WDR70: variants seen among roughly 807,000 people sequenced by gnomAD.
WDR70 encodes WD repeat-containing protein 70.
A neutral mutation model predicts 88.6 loss-of-function variants in WDR70; 53 were observed. The ratio of observed to expected loss-of-function variants is 0.60; its 90% CI spans 0.48 to 0.75. WDR70 has a LOEUF of 0.75. Ranked by LOEUF, WDR70 falls within the 30% of genes least tolerant of loss-of-function variation. The probability of loss-of-function intolerance (pLI) is 0.00; values close to 1 mark genes in which losing one functional copy is unlikely to be tolerated. For missense variants in WDR70, 610 were observed against 823.2 expected (o/e 0.74, Z 3.17); for synonymous variants, 280 against 270.0 (o/e 1.04, Z -0.36).
chr5:37,690,368 G>T (rs1243901552), intron 10 of WDR70, among the ~76,000 whole-genome samples: 1 of 152,122 alleles, frequency 6.6e-6, no homozygotes, highest in Non-Finnish European at 1.5e-5. Context: ...ACATCACAAA[G>T]ATACTCCTCG....
chr5:37,502,777 G>A (rs1252237369), intron 8 of WDR70, among the ~76,000 whole-genome samples: 1 of 152,210 alleles, frequency 6.6e-6, no homozygotes, highest in African/African-American at 2.4e-5. Flanking sequence ...TGAAGCAGGA[G>A]CAGATACTTC....
At chr5:37,451,142 C>T (rs1429305061) in intron 7 of WDR70, among the ~76,000 whole-genome samples, 2 of 152,154 alleles carry the variant, frequency 1.3e-5, no homozygotes. Context: ...AGGTGATCTG[C>T]CCGTCTTGGT....
chr5:37,630,388 C>T (rs1031582196), intron 10 of WDR70, among the ~76,000 whole-genome samples: 1 of 152,116 alleles, frequency 6.6e-6, no homozygotes, highest in Non-Finnish European at 1.5e-5. Flanking sequence ...TTCTCAGACC[C>T]TTGTTGAGGA....
At chr5:37,669,646 G>A (rs554977999) in intron 10 of WDR70, among the ~76,000 whole-genome samples, 12 of 152,264 alleles carry the variant, frequency 7.9e-5, no homozygotes, top group Middle Eastern at 3.4e-3. Flanking sequence ...GATTAAATGT[G>A]TAAGAGATTT....
intron 9 of WDR70, among the ~76,000 whole-genome samples, chr5:37,558,726 T>A (rs1383318603): frequency 1.3e-5 from 2 of 152,182 alleles, no homozygotes; most frequent in Non-Finnish European, 2.9e-5. Context: ...CAGCCATCTG[T>A]ATTATTTATA....
intron 7 of WDR70, among the ~76,000 whole-genome samples, chr5:37,467,915 C>T (rs569705360): frequency 3.3e-5 from 5 of 152,126 alleles, no homozygotes; most frequent in African/African-American, 9.6e-5. Context: ...GGGGTTTCAC[C>T]GTGTTAGCCA....
chr5:37,563,237 C>T (rs1363746220), intron 9 of WDR70, among the ~76,000 whole-genome samples: 4 of 68,930 alleles, frequency 5.8e-5, no homozygotes, highest in East Asian at 3.8e-4. Context: ...TCCTCACTTC[C>T]CAGTAGGGGC....
At chr5:37,382,613 T>C (rs1748465194) in intron 3 of WDR70, among the ~76,000 whole-genome samples, 1 of 151,852 alleles carries the variant, frequency 6.6e-6, no homozygotes, top group Non-Finnish European at 1.5e-5. Flanking sequence ...GGTTTCACCA[T>C]GTTAGCCAGG....
chr5:37,557,940 A>AAACTCTTCAAAAGAG (rs1341249679), intron 9 of WDR70, among the ~76,000 whole-genome samples: 7 of 151,528 alleles, frequency 4.6e-5, no homozygotes, highest in South Asian at 2.1e-4. Context: ...ACTCTTTTGA[A>AAACTCTTCAAAAGAG]TACTCTTCAA....
intron 11 of WDR70, among the ~76,000 whole-genome samples, chr5:37,698,662 T>C (rs1391527731): frequency 6.6e-6 from 1 of 152,178 alleles, no homozygotes; most frequent in East Asian, 1.9e-4. Context: ...TTAAACATCA[T>C]AGACAGAATC....
intron 15 of WDR70, 140 bp downstream of exon 15, chr5:37,723,074 C>G (rs142228139): frequency 2.2e-6 from 2 of 912,296 alleles, no homozygotes; most frequent in African/African-American, 1.6e-5. Flanking sequence ...GATAGGACTA[C>G]GAGTCATGTA....
chr5:37,592,270 A>G (rs1743552585), intron 9 of WDR70, among the ~76,000 whole-genome samples: 1 of 152,184 alleles, frequency 6.6e-6, no homozygotes, highest in African/African-American at 2.4e-5. Context: ...TTTGCATCAA[A>G]CAGTGTGTGT....
intron 9 of WDR70, among the ~76,000 whole-genome samples, chr5:37,561,286 A>G (rs1438597540): frequency 1.3e-5 from 2 of 152,160 alleles, no homozygotes; most frequent in Admixed American, 6.5e-5. Flanking sequence ...CCTCTCTCTC[A>G]AAGTGCTAGA....
chr5:37,453,676 C>T (rs1259907492), intron 7 of WDR70, among the ~76,000 whole-genome samples: 8 of 152,152 alleles, frequency 5.3e-5, no homozygotes, highest in Non-Finnish European at 5.9e-5. Flanking sequence ...TTCCCAACAC[C>T]TTCTCTTTGA....
chr5:37,571,585 C>G (rs1418096706), intron 9 of WDR70, among the ~76,000 whole-genome samples: 1 of 152,142 alleles, frequency 6.6e-6, no homozygotes, highest in Non-Finnish European at 1.5e-5. Flanking sequence ...AAGAGAGTTA[C>G]TCTTAAAATC....
Position 37,451,801 on chromosome 5 carries a change from C to A in WDR70, c.686+8429C>A, listed in dbSNP as rs983583627. ...ATGAGGTGAAGAGATTAAGACCATT[C>A]TGGCCAACATGATGAAACCCCATCT... is the stretch of plus-strand genomic sequence containing the variant. On this transcript the variant is annotated intron_variant, in intron 7 of 17. Coordinates refer to ENST00000265107, the MANE Select transcript of WDR70 (RefSeq NM_018034.4). Among the ~76,000 whole-genome samples, 3 of 152,178 alleles carry A rather than the reference C, an allele frequency of 2.0e-5. No homozygotes were observed. The East Asian group carries it at 5.8e-4, about 29-fold the overall frequency.
At chr5:37,595,926 T>C (rs1347176694) in intron 9 of WDR70, among the ~76,000 whole-genome samples, 1 of 152,164 alleles carries the variant, frequency 6.6e-6, no homozygotes, top group East Asian at 1.9e-4. Context: ...CTATATACAG[T>C]GAGGTGCAAT....
intron 5 of WDR70, among the ~76,000 whole-genome samples, chr5:37,422,310 G>T (rs1276964989): frequency 6.2e-5 from 9 of 145,328 alleles, no homozygotes. Context: ...TTTTTTTTGA[G>T]ACAGAGTCTC....
rs534433552 is a variant in WDR70, at chr5:37,566,113, C to T, written c.918-38951C>T. Among the ~76,000 whole-genome samples, 92 of 152,176 alleles carry T rather than the reference C, an allele frequency of 6.0e-4. 1 individual carries two copies. Among genetic ancestry groups the T allele is most frequent in the South Asian group, 6.0e-3 (29 of 4,830 alleles). Reference sequence around the variant, plus strand: ...AACCCTGTATTCCTTAGCAGTCACACGCCATTTTCCCTTTACTCCAGTCTG... The same window carrying T: ...AACCCTGTATTCCTTAGCAGTCACATGCCATTTTCCCTTTACTCCAGTCTG... On this transcript the variant is annotated intron_variant, in intron 9 of 17. Transcript: ENST00000265107.
Sources: gnomAD v4.1 joint callset for allele counts (sites outside exome capture counted in the v4.1 genomes callset) on GRCh38, gnomAD v4.1.1 for gene constraint, MANE v1.5 for transcripts, NCBI Gene and HGNC (gene_info 2026-07-23, HGNC 2026-07-21) for gene names.